AGBL4: variants seen among roughly 807,000 people sequenced by gnomAD.
The protein encoded by AGBL4 is cytosolic carboxypeptidase 6.
In AGBL4, 58 loss-of-function variants were observed where a neutral mutation model predicts 66.4. The ratio of observed to expected loss-of-function variants is 0.87; its 90% confidence interval spans 0.71 to 1.09. AGBL4 has a LOEUF of 1.09. Ranked by LOEUF, AGBL4 falls within the 50% of genes least tolerant of loss-of-function variation. The pLI, the probability that AGBL4 is intolerant of heterozygous loss-of-function variation, is 0.00. For missense variants in AGBL4, 579 were observed against 631.0 expected, an observed-to-expected ratio of 0.92 and a Z score of 0.88; for synonymous variants, 234 against 222.9, an observed-to-expected ratio of 1.05 and a Z score of -0.44.
chr1:49,102,679 T>C (rs1490113474), intron 4 of AGBL4, among the ~76,000 whole-genome samples: 1 of 152,208 alleles, frequency 6.6e-6, no homozygotes, highest in Non-Finnish European at 1.5e-5. Flanking sequence ...GAATCCATTT[T>C]GAAAAGTCAG....
At chr1:49,309,622 G>A (rs1390179175) in intron 3 of AGBL4, among the ~76,000 whole-genome samples, 1 of 151,970 alleles carries the variant, frequency 6.6e-6, no homozygotes, top group Non-Finnish European at 1.5e-5. Context: ...GTGTGTGTGT[G>A]TGTGTGTGCA....
At chr1:49,250,440 A>ATTT (rs1242148895) in intron 3 of AGBL4, among the ~76,000 whole-genome samples, 1,664 of 122,658 alleles carry the variant, frequency 0.014, 25 homozygotes, top group Non-Finnish European at 0.015. Flanking sequence ...ACAGGAACTA[A>ATTT]TTTTTTTTTT....
At chr1:49,541,472 C>T (rs1309263884) in intron 3 of AGBL4, among the ~76,000 whole-genome samples, 2 of 152,202 alleles carry the variant, frequency 1.3e-5, no homozygotes, top group African/African-American at 2.4e-5. Flanking sequence ...GGGCTTAGCA[C>T]CCGGGCCAGG....
At chr1:49,784,060 A>G (rs1644396533) in intron 2 of AGBL4, among the ~76,000 whole-genome samples, 1 of 152,120 alleles carries the variant, frequency 6.6e-6, no homozygotes, top group Admixed American at 6.5e-5. Context: ...TTAAGATGGC[A>G]GTACTCCTGA....
In AGBL4 at chr1:49,759,854, G is replaced by C. The variant is rs757299722; in HGVS notation, c.158-62417C>G. Among the ~76,000 whole-genome samples the C allele has an allele frequency of 2.6e-4, 40 of 152,252 alleles. No individual in the cohort carries two copies. In the South Asian group the frequency reaches 3.5e-3, roughly 13 times the overall value. ...CAGTCAGGCTGAGTGAAAGAAGCCA[G>C]GTATAAAATTCTCATATTGTATTCC... On this transcript the variant is annotated intron_variant, in intron 2 of 13. Coordinates refer to ENST00000371839, the MANE Select transcript of AGBL4 (RefSeq NM_032785.4).
chr1:49,218,856 G>T (rs780987256), intron 4 of AGBL4, among the ~76,000 whole-genome samples: 28 of 152,074 alleles, frequency 1.8e-4, no homozygotes, highest in Admixed American at 5.2e-4. Context: ...CAGGGAATAA[G>T]TCTCACAAGA....
rs148979156 is a variant in AGBL4, at chr1:49,813,018, AAAC to A, written c.157+38375_157+38377del. ...AAAGCGCATCACCTGCAAGAAACTTAAACAATACCTGTAGAAGTGCCAGGCTAA... is the reference window on the plus strand; with the variant it reads ...AAAGCGCATCACCTGCAAGAAACTTAAATACCTGTAGAAGTGCCAGGCTAA... On this transcript the variant is annotated intron_variant, in intron 2 of 13. Coordinates refer to ENST00000371839, the MANE Select transcript of AGBL4 (RefSeq NM_032785.4). 3.2e-3 allele frequency among the ~76,000 whole-genome samples: 489 copies of A among 152,310 alleles called. 29 individuals are homozygous for A. In the East Asian group the frequency reaches 0.08, roughly 25 times the overall value.
intron 5 of AGBL4, among the ~76,000 whole-genome samples, chr1:48,945,833 G>T (rs558529065): frequency 6.6e-6 from 1 of 152,248 alleles, no homozygotes; most frequent in South Asian, 2.1e-4. Flanking sequence ...CCATTAATTA[G>T]CTGTGTGATC....
At chr1:49,820,665 T>C (rs1645346817) in intron 2 of AGBL4, among the ~76,000 whole-genome samples, 2 of 152,174 alleles carry the variant, frequency 1.3e-5, no homozygotes, top group Admixed American at 6.5e-5. Context: ...AACTAGCTAG[T>C]CTACAAGCTA....
At chr1:49,480,275 TC>T (rs1646929809) in intron 3 of AGBL4, among the ~76,000 whole-genome samples, 2 of 152,074 alleles carry the variant, frequency 1.3e-5, no homozygotes, top group Non-Finnish European at 2.9e-5. Flanking sequence ...TATTCTTTTT[TC>T]CCCATGACTT....
chr1:48,916,266 C>G (rs1305374376), intron 5 of AGBL4, among the ~76,000 whole-genome samples: 1 of 152,088 alleles, frequency 6.6e-6, no homozygotes, highest in Non-Finnish European at 1.5e-5. Flanking sequence ...AAATGGTTCC[C>G]CTGCAGTTAG....
chr1:48,896,598 C>G (rs1651531327), intron 5 of AGBL4, among the ~76,000 whole-genome samples: 1 of 152,138 alleles, frequency 6.6e-6, no homozygotes, highest in Non-Finnish European at 1.5e-5. Context: ...GGCTGCACAG[C>G]CAGAACTCAG....
chr1:49,253,312 G>T (rs1387279530), intron 3 of AGBL4, among the ~76,000 whole-genome samples: 2 of 152,052 alleles, frequency 1.3e-5, no homozygotes, highest in East Asian at 3.9e-4. Context: ...ACAAAGAAGG[G>T]CATTACATAT....
chr1:49,678,958 C>G (rs1646636743), intron 3 of AGBL4, among the ~76,000 whole-genome samples: 1 of 151,742 alleles, frequency 6.6e-6, no homozygotes, highest in Admixed American at 6.6e-5. Context: ...GCTTAATGTC[C>G]CAGGATATGG....
chr1:49,451,768 G>A (rs1646282411), intron 3 of AGBL4, among the ~76,000 whole-genome samples: 1 of 151,876 alleles, frequency 6.6e-6, no homozygotes, highest in Non-Finnish European at 1.5e-5. Context: ...TATACCTTCA[G>A]TGCCGATTAT....
intron 3 of AGBL4, among the ~76,000 whole-genome samples, chr1:49,279,036 G>C (rs1009803598): frequency 6.6e-6 from 1 of 152,086 alleles, no homozygotes; most frequent in African/African-American, 2.4e-5. Context: ...AATTGGAATA[G>C]ATCAATTTTA....
chr1:49,496,986 C>T (rs1043718400), intron 3 of AGBL4, among the ~76,000 whole-genome samples: 3 of 151,798 alleles, frequency 2.0e-5, no homozygotes, highest in African/African-American at 7.3e-5. Flanking sequence ...ACATTCCCAC[C>T]AACAGTATGC....
At chr1:49,932,663 G>A (rs1194259739) in intron 1 of AGBL4, among the ~76,000 whole-genome samples, 1 of 151,908 alleles carries the variant, frequency 6.6e-6, no homozygotes, top group Non-Finnish European at 1.5e-5. Flanking sequence ...AAGAATGACA[G>A]CAGCAAAATG....
intron 2 of AGBL4, among the ~76,000 whole-genome samples, chr1:49,748,404 T>C (rs1486148702): frequency 6.6e-6 from 1 of 152,196 alleles, no homozygotes; most frequent in Non-Finnish European, 1.5e-5. Flanking sequence ...CTTTATCCAG[T>C]CATCATTGAT....
Sources: allele counts gnomAD v4.1 joint callset (sites outside exome capture counted in the v4.1 genomes callset), GRCh38; gene constraint gnomAD v4.1.1; transcripts MANE v1.5; gene names NCBI Gene and HGNC (gene_info 2026-07-23, HGNC 2026-07-21).